EMB: variants seen among roughly 807,000 people sequenced by gnomAD.
The protein encoded by EMB is embigin.
EMB carries 31 observed loss-of-function variants against 41.4 expected under a neutral mutation model. The ratio of observed to expected loss-of-function variants is 0.75; its 90% CI spans 0.56 to 1.01. EMB has a LOEUF of 1.01. EMB is among the 50% of genes least tolerant of loss of function. EMB has a pLI of 0.00. For missense variants in EMB, 379 were observed against 388.3 expected (o/e 0.98, Z 0.20); for synonymous variants, 137 against 140.4 (o/e 0.98, Z 0.17).
At chr5:50,414,166 A>G (rs1745390131) in intron 2 of EMB, among the ~76,000 whole-genome samples, 2 of 152,154 alleles carry the variant, frequency 1.3e-5, no homozygotes, top group Non-Finnish European at 2.9e-5. Context: ...CTCATTCTCA[A>G]TAATGGTATA....
intron 4 of EMB, among the ~76,000 whole-genome samples, chr5:50,408,243 A>G (rs1249951352): frequency 7.5e-6 from 1 of 133,778 alleles, no homozygotes; most frequent in Non-Finnish European, 1.7e-5. Context: ...TTCTACTAAG[A>G]GATTTTAACA....
chr5:50,414,983 T>C (rs1745405422), intron 2 of EMB, among the ~76,000 whole-genome samples: 1 of 152,138 alleles, frequency 6.6e-6, no homozygotes, highest in South Asian at 2.1e-4. Context: ...ACTTGCAAAA[T>C]TAGAACCTCC....
At chr5:50,438,850 A>C (rs1745848753) in intron 1 of EMB, among the ~76,000 whole-genome samples, 1 of 150,424 alleles carries the variant, frequency 6.6e-6, no homozygotes, top group Non-Finnish European at 1.5e-5. Flanking sequence ...CCCCTCCCCC[A>C]TTCATCTTAT....
chr5:50,436,930 G>T (rs1376850373), intron 1 of EMB, among the ~76,000 whole-genome samples: 1 of 152,156 alleles, frequency 6.6e-6, no homozygotes, highest in African/African-American at 2.4e-5. Flanking sequence ...TTTTTGTGAT[G>T]ATAAATTTAG....
intron 1 of EMB, among the ~76,000 whole-genome samples, chr5:50,433,781 C>T (rs974970193): frequency 6.6e-6 from 1 of 152,184 alleles, no homozygotes; most frequent in Admixed American, 6.5e-5. Context: ...TGTATTCTTT[C>T]ACAGTTCTGG....
chr5:50,434,588 A>G (rs899803313), intron 1 of EMB, among the ~76,000 whole-genome samples: 19 of 152,310 alleles, frequency 1.2e-4, no homozygotes, highest in Non-Finnish European at 2.6e-4. Context: ...GGGCTTCAAG[A>G]TCAATGAAAC....
chr5:50,440,007 T>A (rs1334217596), intron 1 of EMB, among the ~76,000 whole-genome samples: 2 of 152,184 alleles, frequency 1.3e-5, no homozygotes, highest in Non-Finnish European at 2.9e-5. Context: ...GAAGGTAGAA[T>A]GGCAACTTTC....
intron 2 of EMB, among the ~76,000 whole-genome samples, chr5:50,420,814 A>G (rs1745508201): frequency 6.6e-6 from 1 of 152,172 alleles, no homozygotes; most frequent in Non-Finnish European, 1.5e-5. Flanking sequence ...ACTTTCCCTT[A>G]GACTGAAGGT....
chr5:50,412,419 C>T (rs2111799192), intron 2 of EMB, among the ~76,000 whole-genome samples: 1 of 152,188 alleles, frequency 6.6e-6, no homozygotes, highest in East Asian at 1.9e-4. Flanking sequence ...GTCATAAATC[C>T]CCTCCCTAGG....
intron 4 of EMB, among the ~76,000 whole-genome samples, chr5:50,407,070 A>C (rs770816075): frequency 1.3e-5 from 2 of 151,992 alleles, no homozygotes; most frequent in Non-Finnish European, 2.9e-5. Context: ...CAGGCTTTGC[A>C]TTAGACACTC....
chr5:50,400,814 T>C (rs146402088), intron 7 of EMB, among the ~76,000 whole-genome samples: 7 of 152,166 alleles, frequency 4.6e-5, no homozygotes, highest in African/African-American at 1.7e-4. Flanking sequence ...ACACTATATA[T>C]TGAATCCATT....
Position 50,399,858 on chromosome 5 carries a change from C to T in EMB, c.966+1G>A, listed in dbSNP as rs775519896. On this transcript the variant is annotated splice_donor_variant, in intron 8 of 8. Coordinates refer to ENST00000303221, the MANE Select transcript of EMB (RefSeq NM_198449.3). LOFTEE classifies it high-confidence loss of function. The stretch of plus-strand genomic sequence containing the variant: ...TGGAATATCATTCAGAAGTAACTTA[C>T]ATTTTTTCTATGCCTGGGGACATTA... 1.9e-6 allele frequency: 3 copies of T among 1,602,324 alleles called. No individual in the cohort carries two copies. The highest frequency in any genetic ancestry group is 2.6e-6 in the Non-Finnish European group (3 of 1,173,208).
chr5:50,411,009 C>T (rs1357518767), intron 3 of EMB, 44 bp from the exon 4 acceptor site: 4 of 1,419,998 alleles, frequency 2.8e-6, no homozygotes, highest in Admixed American at 2.4e-5. Flanking sequence ...GTTCTCAAAA[C>T]CTTAATGAAA....
At chr5:50,435,714 T>C (rs1579745812) in intron 1 of EMB, among the ~76,000 whole-genome samples, 1 of 152,226 alleles carries the variant, frequency 6.6e-6, no homozygotes, top group Non-Finnish European at 1.5e-5. Flanking sequence ...TTAGTAAGCA[T>C]ATTCTGAAGA....
intron 5 of EMB, among the ~76,000 whole-genome samples, chr5:50,404,273 T>C (rs1395176552): frequency 2.6e-5 from 4 of 151,958 alleles, no homozygotes; most frequent in African/African-American, 9.7e-5. Context: ...TCTGTGAGTA[T>C]ATTATTCGTG....
intron 4 of EMB, among the ~76,000 whole-genome samples, chr5:50,407,715 T>C (rs960240325): frequency 1.1e-4 from 17 of 152,134 alleles, no homozygotes; most frequent in Middle Eastern, 3.4e-3. Flanking sequence ...TTTACTAATA[T>C]AAGGACAGTG....
At chr5:50,429,705 T>C (rs912735848) in intron 1 of EMB, among the ~76,000 whole-genome samples, 2 of 152,074 alleles carry the variant, frequency 1.3e-5, no homozygotes, top group African/African-American at 4.8e-5. Context: ...AGAAAAAAAG[T>C]CCTTAAATAA....
At chr5:50,421,810 C>T (rs1745528496) in intron 2 of EMB, among the ~76,000 whole-genome samples, 1 of 150,358 alleles carries the variant, frequency 6.7e-6, no homozygotes, top group Admixed American at 6.7e-5. Flanking sequence ...AAACCAAACA[C>T]CACACGTTCT....
rs578139120 is a variant in EMB, at chr5:50,425,189, G to A, written c.196+2955C>T. On this transcript the variant is annotated intron_variant, in intron 2 of 8. Transcript: ENST00000303221. ...TCCTAACCTAGACCTCTTGCTGGCC[G>A]AGATTTAGACAATGTGGTTGTTTTT... 3.3e-5 allele frequency among the ~76,000 whole-genome samples: 5 copies of A among 152,206 alleles called. No homozygotes were observed. In the East Asian group the frequency reaches 5.8e-4, roughly 18 times the overall value.
Sources: gnomAD v4.1 joint callset for allele counts (sites outside exome capture counted in the v4.1 genomes callset) on GRCh38, gnomAD v4.1.1 for gene constraint, MANE v1.5 for transcripts, NCBI Gene and HGNC (gene_info 2026-07-23, HGNC 2026-07-21) for gene names.